DNAH9: variants seen among roughly 807,000 people sequenced by gnomAD.
DNAH9 encodes dynein axonemal heavy chain 9, also known as DNAH9 variant protein.
A neutral mutation model predicts 471.6 loss-of-function variants in DNAH9; 345 were observed. The observed-to-expected ratio is 0.73, with a 90% CI of 0.67 to 0.80. The LOEUF is 0.80. DNAH9 is among the 30% of genes least tolerant of loss of function. The probability of loss-of-function intolerance (pLI) is 0.00; values close to 1 mark genes in which losing one functional copy is unlikely to be tolerated. For synonymous variants in DNAH9, 2,093 were observed against 2,123.6 expected (o/e 0.99, Z 0.40); for missense variants, 5,407 against 5,609.2 (o/e 0.96, Z 1.15).
intron 35 of DNAH9, among the ~76,000 whole-genome samples, chr17:11,757,894 G>A (rs1967469158): frequency 6.6e-6 from 1 of 152,196 alleles, no homozygotes; most frequent in Admixed American, 6.5e-5. Context: ...CATGAAGTGA[G>A]GTGAGTGAAG....
At chr17:11,754,024 C>T (rs745972682) in intron 33 of DNAH9, among the ~76,000 whole-genome samples, 16 of 152,048 alleles carry the variant, frequency 1.1e-4, no homozygotes, top group Non-Finnish European at 1.5e-4. Context: ...TTTGTGTTCA[C>T]GAGTTCTCAT....
At chr17:11,958,884 A>C (rs1975829356) in intron 67 of DNAH9, among the ~76,000 whole-genome samples, 1 of 152,200 alleles carries the variant, frequency 6.6e-6, no homozygotes, top group African/African-American at 2.4e-5. Flanking sequence ...CCTTAGCAAA[A>C]TGTTAACAAA....
intron 26 of DNAH9, among the ~76,000 whole-genome samples, chr17:11,706,123 A>G (rs987206291): frequency 6.6e-6 from 1 of 152,186 alleles, no homozygotes; most frequent in African/African-American, 2.4e-5. Flanking sequence ...GCACATAAAA[A>G]AGACAGTAAT....
intron 42 of DNAH9, among the ~76,000 whole-genome samples, chr17:11,795,458 T>G (rs1851713182): frequency 1.3e-5 from 2 of 152,218 alleles, no homozygotes; most frequent in Non-Finnish European, 2.9e-5. Context: ...TTTTTCCTGG[T>G]AAGATCTTGA....
intron 20 of DNAH9, among the ~76,000 whole-genome samples, chr17:11,691,838 C>T (rs2074337294): frequency 6.6e-6 from 1 of 152,122 alleles, no homozygotes; most frequent in Non-Finnish European, 1.5e-5. Context: ...GAGTCTTGCT[C>T]TGTCACCCAG....
chr17:11,712,838 G>T (rs1264847022), intron 26 of DNAH9, among the ~76,000 whole-genome samples: 1 of 149,790 alleles, frequency 6.7e-6, no homozygotes, highest in African/African-American at 2.5e-5. Context: ...CAGATATTTT[G>T]TCCCAGTCTT....
At chr17:11,696,436 G>C (rs1410708775) in intron 22 of DNAH9, among the ~76,000 whole-genome samples, 6 of 152,052 alleles carry the variant, frequency 3.9e-5, no homozygotes, top group Admixed American at 3.9e-4. Flanking sequence ...ACTTTGTATT[G>C]TTGGCCATCT....
intron 42 of DNAH9, among the ~76,000 whole-genome samples, chr17:11,794,077 C>T (rs1437702222): frequency 8.5e-6 from 1 of 118,076 alleles, no homozygotes; most frequent in Non-Finnish European, 1.6e-5. Flanking sequence ...CAGAGTCTTG[C>T]TCTTTCGCCC....
At chr17:11,965,207 G>C (rs1204512827) in intron 68 of DNAH9, among the ~76,000 whole-genome samples, 1 of 152,202 alleles carries the variant, frequency 6.6e-6, no homozygotes, top group East Asian at 1.9e-4. Flanking sequence ...TGAGAAGGCA[G>C]TACACTCTAG....
rs112095877 is a variant in DNAH9 at position 11,820,894 on chromosome 17, C to T, written c.8708-1026C>T. ...TAGAGTTAGAAAATCCTTCCCCACT[C>T]AGAGATTATTTCCCCCATTTTTTCT... On this transcript the variant is annotated intron_variant, in intron 45 of 68. Coordinates refer to ENST00000262442, the MANE Select transcript of DNAH9 (RefSeq NM_001372.4). Among the ~76,000 whole-genome samples the T allele has an allele frequency of 3.2e-3, 485 of 152,280 alleles. 6 individuals are homozygous for T. Among genetic ancestry groups the T allele is most frequent in the African/African-American group, 0.011 (466 of 41,558 alleles).
At chr17:11,635,356 T>TTTA (rs2073142851) in intron 8 of DNAH9, among the ~76,000 whole-genome samples, 4 of 128,466 alleles carry the variant, frequency 3.1e-5, no homozygotes, top group African/African-American at 1.2e-4. Context: ...TTTTTTTTTT[T>TTTA]TTTTTAGTAG....
intron 22 of DNAH9, among the ~76,000 whole-genome samples, chr17:11,698,712 G>A (rs919688200): frequency 2.6e-5 from 4 of 151,990 alleles, no homozygotes; most frequent in Admixed American, 6.6e-5. Flanking sequence ...CTACCAGGGG[G>A]CAGGTTCTGT....
At chr17:11,871,879 C>T in intron 52 of DNAH9, 93 bp downstream of exon 52, 1 of 1,337,162 alleles carries the variant, frequency 7.5e-7, no homozygotes, top group Non-Finnish European at 1.0e-6. Flanking sequence ...TGGTGTCCTC[C>T]TGCACACTCA....
chr17:11,924,685 G>T (rs867758495), intron 62 of DNAH9, among the ~76,000 whole-genome samples: 16 of 138,768 alleles, frequency 1.2e-4, no homozygotes, highest in Non-Finnish European at 2.3e-4. Flanking sequence ...GTGCAATGGC[G>T]CAATCTCAAC....
intron 36 of DNAH9, among the ~76,000 whole-genome samples, chr17:11,768,153 C>T (rs1968045180): frequency 6.6e-6 from 1 of 152,184 alleles, no homozygotes; most frequent in South Asian, 2.1e-4. Context: ...CCCCCGTGTT[C>T]TTCCACCTCC....
chr17:11,710,368 AT>A (rs1328363469), intron 26 of DNAH9, among the ~76,000 whole-genome samples: 10 of 152,238 alleles, frequency 6.6e-5, no homozygotes, highest in African/African-American at 2.4e-4. Context: ...AAAATTTTGT[AT>A]TTTTCCTTAG....
chr17:11,872,378 C>G (rs1972302654), intron 52 of DNAH9, among the ~76,000 whole-genome samples: 2 of 131,052 alleles, frequency 1.5e-5, no homozygotes, highest in Non-Finnish European at 3.2e-5. Flanking sequence ...CCCCCCACCC[C>G]CTGCAATGTA....
intron 49 of DNAH9, among the ~76,000 whole-genome samples, chr17:11,837,687 C>G (rs761211249): frequency 3.9e-5 from 6 of 152,204 alleles, no homozygotes; most frequent in Non-Finnish European, 7.3e-5. Flanking sequence ...TCTCTGTGTT[C>G]AGAATCTTCC....
chr17:11,868,901 G>A (rs184994085), intron 50 of DNAH9, among the ~76,000 whole-genome samples: 3 of 152,218 alleles, frequency 2.0e-5, no homozygotes, highest in Non-Finnish European at 4.4e-5. Context: ...ATTTCTGGAT[G>A]TCCACTCCAC....
Sources: gnomAD v4.1 joint callset for allele counts (sites outside exome capture counted in the v4.1 genomes callset) on GRCh38, gnomAD v4.1.1 for gene constraint, MANE v1.5 for transcripts, NCBI Gene and HGNC (gene_info 2026-07-23, HGNC 2026-07-21) for gene names.